FHIT: variants seen among roughly 807,000 people sequenced by gnomAD.
FHIT encodes the protein bis(5'-adenosyl)-triphosphatase.
FHIT carries 19 observed loss-of-function variants against 17.9 expected under a neutral mutation model. That is an observed-to-expected ratio of 1.06 (90% confidence interval 0.74 to 1.56). FHIT has a LOEUF of 1.56. Among genes scored for constraint, FHIT ranks in the 40% most tolerant of loss-of-function variants. The pLI, the probability that FHIT is intolerant of heterozygous loss-of-function variation, is 0.00. For missense variants in FHIT, 248 were observed against 189.2 expected (o/e 1.31, Z -1.82); for synonymous variants, 81 against 69.7 (o/e 1.16, Z -0.81).
intron 8 of FHIT, among the ~76,000 whole-genome samples, chr3:59,781,940 G>C (rs73840816): frequency 0.042 from 6,461 of 152,262 alleles, 203 homozygotes; most frequent in South Asian, 0.081. Flanking sequence ...TTGCTATCAT[G>C]ACATATGCTC....
chr3:60,396,120 C>T (rs1701430182), intron 5 of FHIT, among the ~76,000 whole-genome samples: 1 of 152,092 alleles, frequency 6.6e-6, no homozygotes, highest in Non-Finnish European at 1.5e-5. Flanking sequence ...TATTGTCACT[C>T]GCCAGTTCAG....
At chr3:60,817,336 A>G (rs1701777708) in intron 4 of FHIT, among the ~76,000 whole-genome samples, 1 of 152,072 alleles carries the variant, frequency 6.6e-6, no homozygotes, top group Non-Finnish European at 1.5e-5. Flanking sequence ...CTTCTTGAAG[A>G]CTTAAGATTC....
At chr3:59,822,634 T>G (rs1278349489) in intron 8 of FHIT, among the ~76,000 whole-genome samples, 1 of 151,188 alleles carries the variant, frequency 6.6e-6, no homozygotes, top group Non-Finnish European at 1.5e-5. Flanking sequence ...TTAGCCCACT[T>G]TTTGATGGGA....
At chr3:60,894,157 A>G (rs903712540) in intron 3 of FHIT, among the ~76,000 whole-genome samples, 1 of 152,226 alleles carries the variant, frequency 6.6e-6, no homozygotes, top group African/African-American at 2.4e-5. Flanking sequence ...TCTGAAACAA[A>G]AGATGGGAAA....
At chr3:61,067,451 C>A (rs573403058) in intron 2 of FHIT, among the ~76,000 whole-genome samples, 1 of 152,294 alleles carries the variant, frequency 6.6e-6, no homozygotes, top group African/African-American at 2.4e-5. Flanking sequence ...GTCCCAGCAA[C>A]TATGTATGAC....
intron 5 of FHIT, among the ~76,000 whole-genome samples, chr3:60,249,564 G>A (rs903199815): frequency 6.6e-6 from 1 of 151,570 alleles, no homozygotes; most frequent in African/African-American, 2.4e-5. Flanking sequence ...TATCAGAAGA[G>A]CCTTTCCATT....
At position 60,353,519 on chromosome 3, in the gene FHIT, C is replaced by T. The variant is rs980549702; in HGVS notation, c.103+183341G>A. Among the ~76,000 whole-genome samples the T allele has an allele frequency of 9.2e-5, 14 of 152,074 alleles. 1 individual carries two copies. Among genetic ancestry groups the T allele is most frequent in the Middle Eastern group, 6.3e-3 (2 of 316 alleles). On this transcript the variant is annotated intron_variant, in intron 5 of 9. Transcript: ENST00000492590. ...ATCTCCTTCTGCTGGTGAGTCTAAA[C>T]CTGAATTACTCTTCTTTGTCTAATC...
intron 5 of FHIT, among the ~76,000 whole-genome samples, chr3:60,279,154 G>GA (rs1707307716): frequency 6.6e-6 from 1 of 151,672 alleles, no homozygotes; most frequent in Admixed American, 6.6e-5. Flanking sequence ...GGCTAACCAG[G>GA]AAAAAAAGAG....
chr3:59,907,941 T>C (rs1200548446), intron 8 of FHIT, among the ~76,000 whole-genome samples: 1 of 152,236 alleles, frequency 6.6e-6, no homozygotes, highest in Non-Finnish European at 1.5e-5. Flanking sequence ...GTTGAATCTT[T>C]CTCATATTGC....
intron 2 of FHIT, among the ~76,000 whole-genome samples, chr3:61,062,945 T>A (rs921082798): frequency 2.0e-5 from 3 of 152,138 alleles, no homozygotes; most frequent in African/African-American, 7.2e-5. Flanking sequence ...CTAACTGATA[T>A]CATTAACACA....
At chr3:60,512,082 T>C (rs1455063371) in intron 5 of FHIT, among the ~76,000 whole-genome samples, 3 of 152,134 alleles carry the variant, frequency 2.0e-5, no homozygotes, top group Admixed American at 1.3e-4. Flanking sequence ...ATCTTATATA[T>C]CCCATATTAT....
chr3:59,926,155 A>G (rs745907308), intron 7 of FHIT, among the ~76,000 whole-genome samples: 2 of 152,208 alleles, frequency 1.3e-5, no homozygotes, highest in Non-Finnish European at 2.9e-5. Context: ...ACATTTCACA[A>G]TGCTCATTAG....
intron 2 of FHIT, among the ~76,000 whole-genome samples, chr3:61,197,056 G>GGTT (rs2038872687): frequency 6.6e-6 from 1 of 152,056 alleles, no homozygotes. Context: ...TATACAAGGT[G>GGTT]GTTGTTGCTG....
At chr3:60,690,681 A>G (rs1362351917) in intron 4 of FHIT, 38 of 473,968 alleles carry the variant, frequency 8.0e-5, no homozygotes, top group Admixed American at 6.9e-4. Context: ...AGGGCTCGCT[A>G]TTGACAGCAA....
At position 60,226,472 on chromosome 3, in the gene FHIT, C is replaced by CAAAAAAAAAAAAAAAAAAAAAAAAA. The variant is rs1189100387; in HGVS notation, c.104-212321_104-212320insTTTTTTTTTTTTTTTTTTTTTTTTT. Among the ~76,000 whole-genome samples, 2 of 70,148 alleles carry CAAAAAAAAAAAAAAAAAAAAAAAAA rather than the reference C, an allele frequency of 2.9e-5. 1 individual carries two copies. Among genetic ancestry groups the CAAAAAAAAAAAAAAAAAAAAAAAAA allele is most frequent in the African/African-American group, 1.2e-4 (2 of 17,276 alleles). The allele number at this position is 70,148 out of a possible 152,430, so 46.0% of individuals were successfully genotyped here. On this transcript the variant is annotated intron_variant, in intron 5 of 9. Coordinates refer to ENST00000492590, the MANE Select transcript of FHIT (RefSeq NM_002012.4). The stretch of plus-strand genomic sequence containing the variant: ...GGGCAACAAGAGTGAAACTCCGTCT[C>CAAAAAAAAAAAAAAAAAAAAAAAAA]AAAAAAAAAAAAAAAAAAAAAACAC...
chr3:59,755,360 A>G (rs1701160461), intron 8 of FHIT, among the ~76,000 whole-genome samples: 1 of 152,234 alleles, frequency 6.6e-6, no homozygotes, highest in South Asian at 2.1e-4. Flanking sequence ...AGATCCATCC[A>G]GGTGACTTGA....
chr3:61,021,006 A>G (rs2032392948), intron 3 of FHIT, among the ~76,000 whole-genome samples: 1 of 152,198 alleles, frequency 6.6e-6, no homozygotes. Context: ...ATATGCACCC[A>G]ATACAGGAGA....
chr3:60,321,439 G>A (rs1442473286), intron 5 of FHIT, among the ~76,000 whole-genome samples: 4 of 152,118 alleles, frequency 2.6e-5, no homozygotes, highest in African/African-American at 9.7e-5. Flanking sequence ...CTGCACCACT[G>A]TACTCCAGCC....
chr3:60,173,856 G>A (rs193231536), intron 5 of FHIT, among the ~76,000 whole-genome samples: 3 of 127,594 alleles, frequency 2.4e-5, no homozygotes, highest in Non-Finnish European at 4.8e-5. Context: ...CAGGATCAAT[G>A]GTGGTGCTAA....
Sources: gnomAD v4.1 joint callset for allele counts (sites outside exome capture counted in the v4.1 genomes callset) on GRCh38, gnomAD v4.1.1 for gene constraint, MANE v1.5 for transcripts, NCBI Gene and HGNC (gene_info 2026-07-23, HGNC 2026-07-21) for gene names.